FGFR2: variants seen among roughly 807,000 people sequenced by gnomAD.
FGFR2 encodes BEK fibroblast growth factor receptor.
In FGFR2, 19 loss-of-function variants were observed where a neutral mutation model predicts 95.9. The ratio of observed to expected loss-of-function variants is 0.20; its 90% CI spans 0.14 to 0.29. The LOEUF (loss-of-function observed/expected upper bound fraction) is 0.29. FGFR2 is among the 10% of genes least tolerant of loss of function. FGFR2 has a pLI of 1.00. For missense variants in FGFR2, 707 were observed against 1,056.9 expected, an observed-to-expected ratio of 0.67 and a Z score of 4.59; for synonymous variants, 392 against 393.3, an observed-to-expected ratio of 1.00 and a Z score of 0.04.
In FGFR2 at chr10:121,539,056, G is replaced by A. The variant is rs41295515; in HGVS notation, c.625-341C>T. On this transcript the variant is annotated intron_variant, in intron 5 of 17. Transcript: ENST00000358487. Reference sequence around the variant, plus strand: ...CAGCCAGCCTGGTACCAATGGCCACGGGCAGGCGAGCTACCAGTTTGCCCA... The same window carrying A: ...CAGCCAGCCTGGTACCAATGGCCACAGGCAGGCGAGCTACCAGTTTGCCCA... Among the ~76,000 whole-genome samples the A allele has an allele frequency of 1.9e-3, 288 of 152,344 alleles. 2 individuals are homozygous for A. Among genetic ancestry groups the A allele is most frequent in the African/African-American group, 6.4e-3 (267 of 41,574 alleles).
At chr10:121,480,160 A>C (rs1457435242) in intron 17 of FGFR2, 139 bp from the exon 18 acceptor site, 1 of 961,360 alleles carries the variant, frequency 1.0e-6, no homozygotes, top group Non-Finnish European at 1.7e-6. Context: ...CAAACTCTTG[A>C]GATGTGGGTA....
chr10:121,541,861 T>C (rs1026363929), intron 5 of FGFR2, among the ~76,000 whole-genome samples: 11 of 152,354 alleles, frequency 7.2e-5, no homozygotes, highest in Admixed American at 5.2e-4. Flanking sequence ...CTGGTACCTA[T>C]TAAAATTAGC....
chr10:121,510,166 G>A (rs1201260060), intron 9 of FGFR2, among the ~76,000 whole-genome samples: 1 of 152,186 alleles, frequency 6.6e-6, no homozygotes, highest in African/African-American at 2.4e-5. Flanking sequence ...AATTAGGCAA[G>A]GCAGTTCATC....
intron 9 of FGFR2, among the ~76,000 whole-genome samples, chr10:121,505,701 G>A (rs1430742981): frequency 1.3e-5 from 2 of 152,152 alleles, no homozygotes; most frequent in South Asian, 2.1e-4. Context: ...CCGCCATGTG[G>A]TATCCAACCT....
intron 6 of FGFR2, among the ~76,000 whole-genome samples, chr10:121,534,490 G>C (rs1487606009): frequency 6.6e-6 from 1 of 151,794 alleles, no homozygotes; most frequent in Non-Finnish European, 1.5e-5. Context: ...CCACCTCCCA[G>C]GTTAAAGCAA....
intron 12 of FGFR2, among the ~76,000 whole-genome samples, chr10:121,497,369 T>C (rs1847010212): frequency 6.6e-6 from 1 of 152,144 alleles, no homozygotes; most frequent in Non-Finnish European, 1.5e-5. Flanking sequence ...TTTTAACTAT[T>C]CAATAAGTAA....
At chr10:121,562,520 A>G (rs1857134095) in intron 4 of FGFR2, among the ~76,000 whole-genome samples, 2 of 152,192 alleles carry the variant, frequency 1.3e-5, no homozygotes, top group South Asian at 4.1e-4. Flanking sequence ...TTTTGTTCCC[A>G]AGTGATCCAC....
At chr10:121,557,519 G>A (rs1020191875) in intron 4 of FGFR2, among the ~76,000 whole-genome samples, 2 of 151,994 alleles carry the variant, frequency 1.3e-5, no homozygotes, top group South Asian at 4.2e-4. Flanking sequence ...TGCTCCCGAG[G>A]CTAGTCTCAA....
At chr10:121,577,206 G>GAGAGAGAGAGAGAGAGAC in intron 2 of FGFR2, among the ~76,000 whole-genome samples, 1 of 118,336 alleles carries the variant, frequency 8.5e-6, no homozygotes, top group South Asian at 3.0e-4. Context: ...GAGAGAGAGA[G>GAGAGAGAGAGAGAGAGAC]ACACCAAACA....
intron 4 of FGFR2, among the ~76,000 whole-genome samples, chr10:121,556,033 C>T (rs1197648950): frequency 3.3e-5 from 5 of 152,130 alleles, no homozygotes. Flanking sequence ...TGCTGACCAA[C>T]AACAGTAGGG....
chr10:121,500,598 T>A lies in FGFR2; in HGVS notation c.1561+228A>T, dbSNP rs184557979. ...GAAGGAGTCAAAGAATAACTCTATG[T>A]AGGAGGCTACCGCTTTCTAACAAAA... On this transcript the variant is annotated intron_variant, in intron 11 of 17. Transcript: ENST00000358487. Among the ~76,000 whole-genome samples the A allele has an allele frequency of 1.9e-3, 283 of 152,314 alleles. 1 individual carries two copies. The highest frequency in any genetic ancestry group is 3.4e-3 in the Non-Finnish European group (228 of 68,022).
intron 5 of FGFR2, among the ~76,000 whole-genome samples, chr10:121,547,987 T>C (rs1854773154): frequency 6.6e-6 from 1 of 152,172 alleles, no homozygotes; most frequent in African/African-American, 2.4e-5. Context: ...AAATGTGTCT[T>C]TCCTTTTCAA....
chr10:121,565,204 T>C (rs546089405), intron 3 of FGFR2, among the ~76,000 whole-genome samples: 1 of 151,464 alleles, frequency 6.6e-6, no homozygotes, highest in Non-Finnish European at 1.5e-5. Flanking sequence ...AGCATGTATT[T>C]ACTTAAATAA....
At chr10:121,524,137 CACACA>C (rs1173002818) in intron 6 of FGFR2, among the ~76,000 whole-genome samples, 3 of 140,522 alleles carry the variant, frequency 2.1e-5, no homozygotes, top group Non-Finnish European at 3.2e-5. Context: ...CACACACACA[CACACA>C]CACACCCCAA....
At position 121,593,744 on chromosome 10, in the gene FGFR2, A is replaced by G. The variant is rs2135483445; in HGVS notation, c.74T>C (p.Phe25Ser). 1 of 1,614,172 alleles carries G rather than the reference A, an allele frequency of 6.2e-7. No individual in the cohort carries two copies. Among genetic ancestry groups the G allele is most frequent in the Non-Finnish European group, 8.5e-7 (1 of 1,180,030 alleles). Reference sequence around the variant, plus strand: ...TAATGTGGTATCCTCAACTAAACTGAAGGAGGGCCGGGCCAGGGACAAGGT... The same window carrying G: ...TAATGTGGTATCCTCAACTAAACTGGAGGAGGGCCGGGCCAGGGACAAGGT... ...MATLSLARPS[F>S]SLVEDTTLEP... Residue 25 changes from phenylalanine (F) to serine (S), a missense_variant, in exon 2 of 18, where the codon TTC becomes TCC. By Grantham distance (155) the Phe-to-Ser change is radical. Around this residue, in one of 7 missense-constraint regions of FGFR2, gnomAD observed 178 missense variants for 194.1 expected, o/e 0.92. Coordinates refer to ENST00000358487, the MANE Select transcript of FGFR2 (RefSeq NM_000141.5).
chr10:121,532,360 TCA>T (rs1454750773), intron 6 of FGFR2, among the ~76,000 whole-genome samples: 3 of 152,086 alleles, frequency 2.0e-5, no homozygotes, highest in Admixed American at 6.5e-5. Context: ...CCACTCCTTA[TCA>T]CACACAGAAA....
intron 9 of FGFR2, among the ~76,000 whole-genome samples, chr10:121,506,357 CA>C (rs10678814): frequency 6.9e-4 from 70 of 101,140 alleles, no homozygotes; most frequent in African/African-American, 2.5e-3. Context: ...GACTCCGTCT[CA>C]AAAAAAAAAA....
chr10:121,550,337 C>T (rs1419389644), intron 5 of FGFR2, among the ~76,000 whole-genome samples: 1 of 152,164 alleles, frequency 6.6e-6, no homozygotes, highest in Non-Finnish European at 1.5e-5. Context: ...CATGCCTCAC[C>T]CTCTCATCTC....
At position 121,587,827 on chromosome 10, in the gene FGFR2, C is replaced by T. The variant is rs553398228; in HGVS notation, c.109+5882G>A. 2.2e-3 allele frequency among the ~76,000 whole-genome samples: 337 copies of T among 152,278 alleles called. 1 individual carries two copies. Among genetic ancestry groups the T allele is most frequent in the African/African-American group, 7.8e-3 (323 of 41,546 alleles). ...AATTAGCCCAATAATTGTGGAAAGCCGTGTGGCGATTACTCAAAGAGGTAA... is the reference window on the plus strand; with the variant it reads ...AATTAGCCCAATAATTGTGGAAAGCTGTGTGGCGATTACTCAAAGAGGTAA... On this transcript the variant is annotated intron_variant, in intron 2 of 17. Transcript: ENST00000358487.
Sources: allele counts gnomAD v4.1 joint callset (sites outside exome capture counted in the v4.1 genomes callset), GRCh38; gene constraint gnomAD v4.1.1; regional missense constraint gnomAD v4.1.1; transcripts MANE v1.5; gene names NCBI Gene and HGNC (gene_info 2026-07-23, HGNC 2026-07-21).